The following SNTG1 variants were observed in gnomAD, a reference collection of about 807,000 sequenced individuals.
SNTG1 encodes gamma-1-syntrophin.
SNTG1 carries 39 observed loss-of-function variants against 74.7 expected under a neutral mutation model. The ratio of observed to expected loss-of-function variants is 0.52; its 90% CI spans 0.40 to 0.68. SNTG1 has a LOEUF of 0.68. Among genes scored for constraint, SNTG1 ranks in the 30% least tolerant of loss-of-function variants. SNTG1 has a pLI of 0.00. For missense variants in SNTG1, 685 were observed against 609.5 expected (o/e 1.12, Z -1.30); for synonymous variants, 254 against 217.1 (o/e 1.17, Z -1.49).
chr8:50,288,305 G>A (rs1213658359), intron 2 of SNTG1, among the ~76,000 whole-genome samples: 2 of 152,122 alleles, frequency 1.3e-5, no homozygotes, highest in East Asian at 3.9e-4. Context: ...TTTACAAAAA[G>A]AGAAATACAA....
chr8:50,088,912 G>A (rs1315035623), intron 1 of SNTG1, among the ~76,000 whole-genome samples: 1 of 150,042 alleles, frequency 6.7e-6, no homozygotes, highest in Non-Finnish European at 1.5e-5. Context: ...CTACTTTAAA[G>A]TTCATATGGA....
chr8:50,418,251 C>G (rs1377512550), intron 4 of SNTG1, among the ~76,000 whole-genome samples: 1 of 152,062 alleles, frequency 6.6e-6, no homozygotes, highest in Non-Finnish European at 1.5e-5. Context: ...TTCAACATTG[C>G]TCAATTTAAT....
At chr8:50,647,080 G>A (rs1018852457) in intron 13 of SNTG1, among the ~76,000 whole-genome samples, 2 of 151,994 alleles carry the variant, frequency 1.3e-5, no homozygotes, top group Non-Finnish European at 2.9e-5. Context: ...ATGGATCATA[G>A]ACTTAAATTT....
chr8:50,646,539 T>A (rs1197111692), intron 13 of SNTG1, among the ~76,000 whole-genome samples: 1 of 152,210 alleles, frequency 6.6e-6, no homozygotes, highest in Non-Finnish European at 1.5e-5. Flanking sequence ...CTATCAAAAT[T>A]AGACTGTGAG....
At chr8:50,540,522 G>A (rs1293207920) in intron 11 of SNTG1, among the ~76,000 whole-genome samples, 2 of 152,110 alleles carry the variant, frequency 1.3e-5, no homozygotes, top group African/African-American at 2.4e-5. Context: ...GTGTTCGTTA[G>A]AGGCTCTGAT....
chr8:50,278,033 C>T (rs2088216300), intron 2 of SNTG1, among the ~76,000 whole-genome samples: 1 of 151,984 alleles, frequency 6.6e-6, no homozygotes, highest in Admixed American at 6.6e-5. Flanking sequence ...ATTAGCCATG[C>T]TTGGTGGCGT....
chr8:49,952,140 C>T (rs1363902653), intron 1 of SNTG1, among the ~76,000 whole-genome samples: 3 of 152,136 alleles, frequency 2.0e-5, no homozygotes, highest in Non-Finnish European at 4.4e-5. Flanking sequence ...TTATTGTTTA[C>T]TGCTTTTACT....
chr8:50,136,838 G>A (rs1323484353), intron 1 of SNTG1, among the ~76,000 whole-genome samples: 1 of 152,092 alleles, frequency 6.6e-6, no homozygotes, highest in Admixed American at 6.5e-5. Flanking sequence ...ACATACAGGG[G>A]TCAGGGTTGG....
intron 1 of SNTG1, among the ~76,000 whole-genome samples, chr8:50,000,673 G>T (rs568770229): frequency 6.6e-6 from 1 of 152,102 alleles, no homozygotes; most frequent in Non-Finnish European, 1.5e-5. Flanking sequence ...AAGCTTTTAC[G>T]CTCTCGTGCC....
intron 1 of SNTG1, among the ~76,000 whole-genome samples, chr8:50,017,414 C>T (rs949636061): frequency 3.3e-5 from 5 of 151,814 alleles, no homozygotes; most frequent in African/African-American, 7.2e-5. Context: ...GATGCAAATC[C>T]TACTTCATCT....
intron 12 of SNTG1, among the ~76,000 whole-genome samples, chr8:50,581,507 T>G (rs1416396356): frequency 1.3e-5 from 2 of 152,208 alleles, no homozygotes; most frequent in African/African-American, 4.8e-5. Context: ...TATAAGAACT[T>G]CCTTTTAAAT....
chr8:50,626,959 A>G (rs2094960622), intron 13 of SNTG1, among the ~76,000 whole-genome samples: 1 of 152,162 alleles, frequency 6.6e-6, no homozygotes, highest in Admixed American at 6.6e-5. Context: ...TTAAGGTCTC[A>G]TCTTATATGT....
At chr8:50,432,735 A>G (rs1026000807) in intron 4 of SNTG1, among the ~76,000 whole-genome samples, 1 of 151,612 alleles carries the variant, frequency 6.6e-6, no homozygotes, top group African/African-American at 2.4e-5. Context: ...ATTATGTTAG[A>G]TTTATACCAA....
intron 1 of SNTG1, among the ~76,000 whole-genome samples, chr8:49,975,996 GAGTT>G (rs1413548714): frequency 3.3e-5 from 5 of 152,152 alleles, no homozygotes; most frequent in East Asian, 1.9e-4. Flanking sequence ...TTTGCTCCCT[GAGTT>G]AGTTATTCTT....
intron 15 of SNTG1, among the ~76,000 whole-genome samples, chr8:50,661,907 T>C (rs1350127350): frequency 2.0e-5 from 3 of 152,156 alleles, no homozygotes; most frequent in African/African-American, 4.8e-5. Flanking sequence ...ACATTAGACA[T>C]ATAAAGCCAT....
intron 1 of SNTG1, among the ~76,000 whole-genome samples, chr8:50,117,962 G>A (rs916307430): frequency 6.6e-6 from 1 of 152,124 alleles, no homozygotes; most frequent in Non-Finnish European, 1.5e-5. Context: ...GCTATGTGAA[G>A]TTGGCCCTGG....
intron 1 of SNTG1, among the ~76,000 whole-genome samples, chr8:49,934,375 T>G (rs1807872614): frequency 6.6e-6 from 1 of 152,092 alleles, no homozygotes; most frequent in African/African-American, 2.4e-5. Context: ...TATCATATCA[T>G]TTTTGTAATA....
intron 1 of SNTG1, among the ~76,000 whole-genome samples, chr8:49,946,904 T>C (rs927532722): frequency 2.4e-4 from 37 of 152,364 alleles, no homozygotes; most frequent in African/African-American, 7.7e-4. Flanking sequence ...CAAATATTCA[T>C]ATTTTCAATG....
chr8:50,469,052 T>C (rs1212105120), intron 8 of SNTG1, among the ~76,000 whole-genome samples: 1 of 152,176 alleles, frequency 6.6e-6, no homozygotes, highest in Non-Finnish European at 1.5e-5. Context: ...AGCAAGATAG[T>C]TTATTTACTT....
Sources: gnomAD v4.1 joint callset for allele counts (sites outside exome capture counted in the v4.1 genomes callset) on GRCh38, gnomAD v4.1.1 for gene constraint, MANE v1.5 for transcripts, NCBI Gene and HGNC (gene_info 2026-07-23, HGNC 2026-07-21) for gene names.